AGBL4: variants seen among roughly 807,000 people sequenced by gnomAD.
The protein encoded by AGBL4 is cytosolic carboxypeptidase 6.
Under a neutral mutation model 66.4 loss-of-function variants are expected in AGBL4, and 58 were observed. The observed-to-expected ratio is 0.87, with a 90% CI of 0.71 to 1.09. The LOEUF is 1.09. AGBL4 is among the 50% of genes least tolerant of loss of function. The pLI, the probability that AGBL4 is intolerant of heterozygous loss-of-function variation, is 0.00. For synonymous variants in AGBL4, 234 were observed against 222.9 expected (o/e 1.05, Z -0.44); for missense variants, 579 against 631.0 (o/e 0.92, Z 0.88).
intron 11 of AGBL4, among the ~76,000 whole-genome samples, chr1:48,572,695 G>C (rs912718589): frequency 3.3e-5 from 5 of 152,076 alleles, no homozygotes; most frequent in African/African-American, 9.7e-5. Flanking sequence ...TGAAGGGGGG[G>C]TGCGTCTCCT....
intron 2 of AGBL4, among the ~76,000 whole-genome samples, chr1:49,698,707 T>A (rs1647031918): frequency 6.6e-6 from 1 of 152,062 alleles, no homozygotes; most frequent in African/African-American, 2.4e-5. Context: ...ATTACTATTC[T>A]TAAAATAACA....
At chr1:49,873,016 C>T (rs746469602) in intron 1 of AGBL4, among the ~76,000 whole-genome samples, 17 of 151,510 alleles carry the variant, frequency 1.1e-4, no homozygotes, top group Non-Finnish European at 2.4e-4. Flanking sequence ...TTAAGATATG[C>T]TTTTCTAAAA....
At chr1:49,941,656 A>G (rs1156715995) in intron 1 of AGBL4, among the ~76,000 whole-genome samples, 2 of 152,108 alleles carry the variant, frequency 1.3e-5, no homozygotes, top group East Asian at 3.8e-4. Context: ...AGATGCAGAA[A>G]GAAAATGTGA....
intron 3 of AGBL4, among the ~76,000 whole-genome samples, chr1:49,306,543 T>G (rs1345198089): frequency 2.0e-5 from 3 of 152,192 alleles, no homozygotes; most frequent in Non-Finnish European, 4.4e-5. Flanking sequence ...TAGGTCCCAT[T>G]CAACTATACT....
Position 49,408,854 on chromosome 1 carries a change from C to T in AGBL4, c.283-162990G>A, listed in dbSNP as rs548716387. 2.3e-3 allele frequency among the ~76,000 whole-genome samples: 344 copies of T among 152,306 alleles called. 4 individuals carry two copies. The highest frequency in any genetic ancestry group is 8.0e-3 in the African/African-American group (331 of 41,566). Reference sequence around the variant, plus strand: ...GCAGACAGCCTATTGTGGGACTTCACTTTGTGATCGTGTGAGTCAATACTC... The same window carrying T: ...GCAGACAGCCTATTGTGGGACTTCATTTTGTGATCGTGTGAGTCAATACTC... On this transcript the variant is annotated intron_variant, in intron 3 of 13. Coordinates refer to ENST00000371839, the MANE Select transcript of AGBL4 (RefSeq NM_032785.4).
chr1:49,972,369 A>C (rs932883027), intron 1 of AGBL4, among the ~76,000 whole-genome samples: 1 of 151,946 alleles, frequency 6.6e-6, no homozygotes, highest in Non-Finnish European at 1.5e-5. Flanking sequence ...TCCACTCTGT[A>C]TGTCCATGTG....
chr1:48,672,705 C>T (rs1351644606), intron 6 of AGBL4, among the ~76,000 whole-genome samples: 1 of 152,166 alleles, frequency 6.6e-6, no homozygotes, highest in East Asian at 1.9e-4. Context: ...CAGCTGAAGG[C>T]CCAGACATCA....
At chr1:49,568,487 TCACACACA>T (rs71059555) in intron 3 of AGBL4, among the ~76,000 whole-genome samples, 39 of 131,280 alleles carry the variant, frequency 3.0e-4, no homozygotes, top group African/African-American at 8.6e-4. Flanking sequence ...AAATAAGTGA[TCACACACA>T]CACACACACA....
At chr1:49,452,437 G>A (rs545249051) in intron 3 of AGBL4, among the ~76,000 whole-genome samples, 6 of 151,852 alleles carry the variant, frequency 4.0e-5, no homozygotes, top group East Asian at 1.9e-4. Flanking sequence ...AAACCTTGTC[G>A]AATCTGTGTT....
intron 3 of AGBL4, among the ~76,000 whole-genome samples, chr1:49,605,050 C>T (rs1043411449): frequency 6.6e-6 from 1 of 151,996 alleles, no homozygotes; most frequent in Non-Finnish European, 1.5e-5. Flanking sequence ...AGTCCTAGGA[C>T]AAAGATATTT....
intron 1 of AGBL4, among the ~76,000 whole-genome samples, chr1:50,012,205 G>T (rs567975669): frequency 1.8e-4 from 27 of 150,808 alleles, no homozygotes; most frequent in Admixed American, 5.9e-4. Flanking sequence ...ACCAGAGGCT[G>T]AGAAGGTTAG....
At chr1:48,595,929 G>A (rs1161317695) in intron 9 of AGBL4, among the ~76,000 whole-genome samples, 1 of 152,210 alleles carries the variant, frequency 6.6e-6, no homozygotes, top group Non-Finnish European at 1.5e-5. Context: ...AATCTAGGAA[G>A]GACAGAGGAG....
chr1:48,951,531 T>C lies in AGBL4; in HGVS notation c.595-84301A>G, dbSNP rs569183918. Reference sequence around the variant, plus strand: ...GGAACTTCAGGAGGTAATTAGATCATGAGGCTGGAACACTCATGAATGAGA... The same window carrying C: ...GGAACTTCAGGAGGTAATTAGATCACGAGGCTGGAACACTCATGAATGAGA... On this transcript the variant is annotated intron_variant, in intron 5 of 13. Coordinates refer to ENST00000371839, the MANE Select transcript of AGBL4 (RefSeq NM_032785.4). Among the ~76,000 whole-genome samples the C allele has an allele frequency of 1.8e-3, 278 of 152,320 alleles. 1 individual carries two copies. Among genetic ancestry groups the C allele is most frequent in the African/African-American group, 6.4e-3 (264 of 41,564 alleles).
intron 5 of AGBL4, among the ~76,000 whole-genome samples, chr1:49,008,115 C>T (rs1432126635): frequency 6.6e-6 from 1 of 152,068 alleles, no homozygotes; most frequent in Non-Finnish European, 1.5e-5. Flanking sequence ...CATCAGTGTG[C>T]TGTATTCAGG....
chr1:49,843,029 C>G (rs1287485989), intron 2 of AGBL4, among the ~76,000 whole-genome samples: 1 of 152,174 alleles, frequency 6.6e-6, no homozygotes, highest in Non-Finnish European at 1.5e-5. Context: ...GATATCCCAG[C>G]CCACTGACAG....
intron 3 of AGBL4, among the ~76,000 whole-genome samples, chr1:49,632,506 T>C (rs1645589927): frequency 6.6e-6 from 1 of 152,164 alleles, no homozygotes; most frequent in Admixed American, 6.5e-5. Flanking sequence ...TGTCCTCCTA[T>C]GAGAAGATTC....
intron 3 of AGBL4, among the ~76,000 whole-genome samples, chr1:49,446,571 A>C (rs576732296): frequency 6.6e-6 from 1 of 152,312 alleles, no homozygotes; most frequent in African/African-American, 2.4e-5. Context: ...TACAGGCCCC[A>C]GTTGTGGCAT....
In AGBL4 at chr1:49,292,351, C is replaced by A. The variant is rs376653004; in HGVS notation, c.283-46487G>T. On this transcript the variant is annotated intron_variant, in intron 3 of 13. Coordinates refer to ENST00000371839, the MANE Select transcript of AGBL4 (RefSeq NM_032785.4). ...CAGACAGGTTCCTGGGCAGAAGGGG[C>A]CAGGTCCCCAGTTAGACCCCACCTT... Among the ~76,000 whole-genome samples, 163 of 152,290 alleles carry A rather than the reference C, an allele frequency of 1.1e-3. 1 individual carries two copies. Among genetic ancestry groups the A allele is most frequent in the African/African-American group, 3.8e-3 (158 of 41,580 alleles).
At chr1:48,563,669 C>T (rs1448709097) in intron 11 of AGBL4, among the ~76,000 whole-genome samples, 1 of 152,092 alleles carries the variant, frequency 6.6e-6, no homozygotes, top group African/African-American at 2.4e-5. Context: ...GACAGACAAT[C>T]AGGTAGGTAC....
Sources: gnomAD v4.1 joint callset for allele counts (sites outside exome capture counted in the v4.1 genomes callset) on GRCh38, gnomAD v4.1.1 for gene constraint, MANE v1.5 for transcripts, NCBI Gene and HGNC (gene_info 2026-07-23, HGNC 2026-07-21) for gene names.